CDH4: variants seen among roughly 807,000 people sequenced by gnomAD.
CDH4 encodes cadherin 4, also known as cadherin-4.
In CDH4, 33 loss-of-function variants were observed where a neutral mutation model predicts 86.0. The ratio of observed to expected loss-of-function variants is 0.38; its 90% CI spans 0.29 to 0.51. The LOEUF is 0.51. CDH4 is among the 20% of genes least tolerant of loss of function. The pLI is 0.86. For synonymous variants in CDH4, 555 were observed against 549.4 expected (o/e 1.01, Z -0.14); for missense variants, 1,114 against 1,307.4 (o/e 0.85, Z 2.28).
intron 4 of CDH4, among the ~76,000 whole-genome samples, chr20:61,778,528 C>T (rs1045741964): frequency 2.0e-5 from 3 of 151,996 alleles, no homozygotes; most frequent in Non-Finnish European, 4.4e-5. Flanking sequence ...CCCTGAAAAG[C>T]AAAGGGGTGG....
At chr20:61,890,436 G>GTGGA (rs2122853731) in intron 7 of CDH4, among the ~76,000 whole-genome samples, 1 of 151,004 alleles carries the variant, frequency 6.6e-6, no homozygotes, top group South Asian at 2.1e-4. Flanking sequence ...TAGATGACGG[G>GTGGA]TGGATGGATG....
intron 3 of CDH4, among the ~76,000 whole-genome samples, chr20:61,750,162 A>T (rs922665864): frequency 2.6e-5 from 4 of 152,226 alleles, no homozygotes; most frequent in South Asian, 4.1e-4. Flanking sequence ...TTGTTAAAAC[A>T]GGAGGAGAAA....
At chr20:61,740,060 C>T (rs2145938126) in intron 2 of CDH4, among the ~76,000 whole-genome samples, 2 of 152,210 alleles carry the variant, frequency 1.3e-5, no homozygotes, top group Admixed American at 1.3e-4. Context: ...GCGAAGACTC[C>T]AAAAATTAAA....
chr20:61,765,112 C>T (rs2088683148), intron 3 of CDH4, among the ~76,000 whole-genome samples: 1 of 152,140 alleles, frequency 6.6e-6, no homozygotes, highest in Non-Finnish European at 1.5e-5. Flanking sequence ...TTCATCTGCC[C>T]CCTGAGGAAA....
chr20:61,266,528 G>A (rs2084159124), intron 2 of CDH4, among the ~76,000 whole-genome samples: 1 of 151,914 alleles, frequency 6.6e-6, no homozygotes, highest in African/African-American at 2.4e-5. Flanking sequence ...GAAGGTTGGT[G>A]CATGAGTTTG....
intron 2 of CDH4, among the ~76,000 whole-genome samples, chr20:61,422,806 T>C (rs1217502567): frequency 2.0e-5 from 3 of 152,238 alleles, no homozygotes; most frequent in South Asian, 4.2e-4. Flanking sequence ...GGGTGTGTCA[T>C]GTGTCTTGGG....
At chr20:61,916,027 A>AG (rs2054900284) in intron 9 of CDH4, among the ~76,000 whole-genome samples, 1 of 152,150 alleles carries the variant, frequency 6.6e-6, no homozygotes, top group Admixed American at 6.5e-5. Flanking sequence ...TACTCCATAT[A>AG]GTGCTTTTCT....
Position 61,686,744 on chromosome 20 carries a change from CAT to C in CDH4, c.170-56816_170-56815del, listed in dbSNP as rs1407251301. 8.1e-5 allele frequency among the ~76,000 whole-genome samples: 12 copies of C among 148,212 alleles called. No homozygotes were observed. The South Asian group carries it at 1.1e-3, about 13-fold the overall frequency. Reference sequence around the variant, plus strand: ...GTGTGTGCCTTCGTGCGTGTGTGTGCATATGTGTATATGTGCGTGTGCATTCG... The same window carrying C: ...GTGTGTGCCTTCGTGCGTGTGTGTGCATGTGTATATGTGCGTGTGCATTCG... On this transcript the variant is annotated intron_variant, in intron 2 of 15. Transcript: ENST00000614565.
Position 61,773,125 on chromosome 20 carries a change from C to T in CDH4, c.519C>T (p.Ile173=), listed in dbSNP as rs202223585. 6.2e-7 allele frequency: 1 copy of T among 1,609,166 alleles called. No homozygotes were observed. Among genetic ancestry groups the T allele is most frequent in the East Asian group, 2.2e-5 (1 of 44,728 alleles). The change falls in exon 4 of 16, where the codon ATC becomes ATT. Residue 173 remains isoleucine (I), a synonymous_variant. Coordinates refer to ENST00000614565, the MANE Select transcript of CDH4 (RefSeq NM_001794.5). ...GLRRRKRDWV[I]PPINVPENSR... ...GGCGGCGCAAACGGGACTGGGTCATCCCGCCCATCAACGTGCCCGAGAACT... is the reference window on the plus strand; with the variant it reads ...GGCGGCGCAAACGGGACTGGGTCATTCCGCCCATCAACGTGCCCGAGAACT...
chr20:61,790,126 C>T (rs1032589488), intron 4 of CDH4, among the ~76,000 whole-genome samples: 1 of 151,938 alleles, frequency 6.6e-6, no homozygotes, highest in African/African-American at 2.4e-5. Context: ...TTCATCCATC[C>T]ATCCTCTGTC....
At chr20:61,497,324 T>A (rs2085670008) in intron 2 of CDH4, among the ~76,000 whole-genome samples, 1 of 152,234 alleles carries the variant, frequency 6.6e-6, no homozygotes, top group South Asian at 2.1e-4. Flanking sequence ...CTTGTGTTAA[T>A]TAATTTGTTT....
In CDH4 at chr20:61,544,655, C is replaced by T. The variant is rs568646734; in HGVS notation, c.170-198908C>T. ...GACCCCACGCTGCTCTACTCCGCACCGGCCCCCCTGCCTGTACTTGACCAC... is the reference window on the plus strand; with the variant it reads ...GACCCCACGCTGCTCTACTCCGCACTGGCCCCCCTGCCTGTACTTGACCAC... On this transcript the variant is annotated intron_variant, in intron 2 of 15. Transcript: ENST00000614565. This position sits in a 1 kb window ranked among gnomAD's most constrained non-coding sequence, Gnocchi z 6.5. Among the ~76,000 whole-genome samples the T allele has an allele frequency of 1.6e-4, 25 of 152,158 alleles. No homozygotes were observed. The highest frequency in any genetic ancestry group is 3.9e-4 in the East Asian group (2 of 5,126).
intron 2 of CDH4, among the ~76,000 whole-genome samples, chr20:61,665,501 C>A (rs561867286): frequency 6.6e-6 from 1 of 152,330 alleles, no homozygotes; most frequent in Admixed American, 6.5e-5. Context: ...TTGCAGAGTG[C>A]CTTCTTTCCC....
intron 9 of CDH4, among the ~76,000 whole-genome samples, chr20:61,912,914 G>A (rs189503950): frequency 9.4e-4 from 143 of 152,338 alleles, no homozygotes; most frequent in African/African-American, 3.0e-3. Context: ...AAGGTGAATC[G>A]TCAGCTGCTT....
intron 2 of CDH4, among the ~76,000 whole-genome samples, chr20:61,462,626 T>C (rs2085450379): frequency 6.6e-6 from 1 of 152,190 alleles, no homozygotes. Flanking sequence ...CAGCTGCTCC[T>C]CCCTCTCTGC....
chr20:61,431,867 C>T (rs1413337414), intron 2 of CDH4, among the ~76,000 whole-genome samples: 1 of 152,130 alleles, frequency 6.6e-6, no homozygotes, highest in Non-Finnish European at 1.5e-5. Context: ...GCATCTTCTG[C>T]AGTTTTATGT....
chr20:61,564,033 C>T (rs1457728098), intron 2 of CDH4, among the ~76,000 whole-genome samples: 1 of 152,150 alleles, frequency 6.6e-6, no homozygotes. Context: ...TCCCTCAATG[C>T]ACCTCCTCTC....
chr20:61,274,354 C>T (rs1367814332), intron 2 of CDH4, among the ~76,000 whole-genome samples: 16 of 65,894 alleles, frequency 2.4e-4, no homozygotes, highest in East Asian at 1.0e-3. Flanking sequence ...GGGATTACTG[C>T]ATGCAGTTGT....
At chr20:61,253,201 C>T (rs1431657667) in intron 1 of CDH4, among the ~76,000 whole-genome samples, 2 of 151,242 alleles carry the variant, frequency 1.3e-5, no homozygotes, top group African/African-American at 2.4e-5. Flanking sequence ...CCTGCGTGTC[C>T]GGCGGGGCCC....
Sources: gnomAD v4.1 joint callset for allele counts (sites outside exome capture counted in the v4.1 genomes callset) on GRCh38, gnomAD v4.1.1 for gene constraint, Gnocchi (gnomAD v3.1) non-coding constraint, MANE v1.5 for transcripts, NCBI Gene and HGNC (gene_info 2026-07-23, HGNC 2026-07-21) for gene names.